The following CSMD1 variants were observed in gnomAD, a reference collection of about 807,000 sequenced individuals.
CSMD1 encodes the protein CUB and sushi domain-containing protein 1.
A neutral mutation model predicts 417.5 loss-of-function variants in CSMD1; 213 were observed. That is an observed-to-expected ratio of 0.51 (90% CI 0.46 to 0.57). The LOEUF (loss-of-function observed/expected upper bound fraction) is 0.57, where lower values mean the gene tolerates loss of function less well. CSMD1 is among the 20% of genes least tolerant of loss of function. The pLI, the probability that CSMD1 is intolerant of heterozygous loss-of-function variation, is 0.00. For synonymous variants in CSMD1, 2,862 were observed against 1,736.8 expected (o/e 1.65, Z -16.11); for missense variants, 6,923 against 4,529.7 (o/e 1.53, Z -15.17).
intron 5 of CSMD1, among the ~76,000 whole-genome samples, chr8:3,883,804 C>G (rs941682548): frequency 2.6e-5 from 4 of 151,836 alleles, no homozygotes; most frequent in Non-Finnish European, 5.9e-5. Flanking sequence ...TTAAACAATC[C>G]CATTAACAAC....
At chr8:4,589,416 A>C (rs1799876772) in intron 2 of CSMD1, among the ~76,000 whole-genome samples, 1 of 152,166 alleles carries the variant, frequency 6.6e-6, no homozygotes, top group Non-Finnish European at 1.5e-5. Context: ...TAAGGAATAG[A>C]CTATTTCTTT....
chr8:3,752,510 C>A (rs535432650), intron 6 of CSMD1, among the ~76,000 whole-genome samples: 2 of 151,474 alleles, frequency 1.3e-5, no homozygotes, highest in Non-Finnish European at 1.5e-5. Flanking sequence ...CAAAATTAGC[C>A]GGGTGTGGTG....
chr8:4,145,840 G>C (rs751735388), intron 3 of CSMD1, among the ~76,000 whole-genome samples: 39 of 151,318 alleles, frequency 2.6e-4, no homozygotes, highest in Admixed American at 6.6e-4. Flanking sequence ...CCAGGAAGCA[G>C]AGCCGTTCAC....
At chr8:3,359,380 G>A (rs1167542138) in intron 20 of CSMD1, 40 bp from the exon 21 acceptor site, 1 of 1,469,704 alleles carries the variant, frequency 6.8e-7, no homozygotes, top group South Asian at 1.2e-5. Flanking sequence ...TGAGGATTTG[G>A]GTAAATACAC....
chr8:4,242,183 TA>T (rs1461662140), intron 3 of CSMD1, among the ~76,000 whole-genome samples: 1 of 152,188 alleles, frequency 6.6e-6, no homozygotes, highest in East Asian at 1.9e-4. Context: ...AATGGTATAT[TA>T]AAAACTTTAA....
At chr8:3,318,047 C>A (rs570392783) in intron 23 of CSMD1, among the ~76,000 whole-genome samples, 1 of 152,174 alleles carries the variant, frequency 6.6e-6, no homozygotes. Context: ...GTGATCTGCC[C>A]ACCTTGGCCT....
At chr8:4,056,269 G>C (rs1798685564) in intron 3 of CSMD1, among the ~76,000 whole-genome samples, 1 of 151,598 alleles carries the variant, frequency 6.6e-6, no homozygotes, top group Non-Finnish European at 1.5e-5. Context: ...TTTTAGTAGA[G>C]ATGGAGTTTC....
chr8:3,266,940 A>T (rs1334162243), intron 26 of CSMD1, among the ~76,000 whole-genome samples: 1 of 152,212 alleles, frequency 6.6e-6, no homozygotes, highest in African/African-American at 2.4e-5. Flanking sequence ...CAGACAGCCA[A>T]CATAGACTAA....
intron 15 of CSMD1, among the ~76,000 whole-genome samples, chr8:3,402,267 TC>T (rs1480450007): frequency 6.6e-6 from 1 of 152,200 alleles, no homozygotes; most frequent in Non-Finnish European, 1.5e-5. Context: ...ATCTTTTTTT[TC>T]AATTCTTTTC....
chr8:4,102,156 T>C (rs958157652), intron 3 of CSMD1, among the ~76,000 whole-genome samples: 1 of 152,194 alleles, frequency 6.6e-6, no homozygotes, highest in Non-Finnish European at 1.5e-5. Context: ...ATCATGTAAA[T>C]GACTTACTGG....
At chr8:4,043,323 A>G (rs1797987677) in intron 3 of CSMD1, among the ~76,000 whole-genome samples, 1 of 152,276 alleles carries the variant, frequency 6.6e-6, no homozygotes, top group East Asian at 1.9e-4. Flanking sequence ...AAGAAGAGGA[A>G]AAAAGAAAAT....
chr8:3,096,682 G>C (rs1815328048), intron 47 of CSMD1, among the ~76,000 whole-genome samples, 167 bp downstream of exon 47: 1 of 152,152 alleles, frequency 6.6e-6, no homozygotes, highest in African/African-American at 2.4e-5. Flanking sequence ...CAGACTGCTT[G>C]ATCTCTTGAG....
chr8:3,225,986 A>G (rs1356949966), intron 27 of CSMD1, among the ~76,000 whole-genome samples: 1 of 152,204 alleles, frequency 6.6e-6, no homozygotes, highest in Non-Finnish European at 1.5e-5. Context: ...ACCTTTATCC[A>G]CTATGCTCAA....
At chr8:3,537,333 C>T (rs992648894) in intron 10 of CSMD1, among the ~76,000 whole-genome samples, 5 of 152,218 alleles carry the variant, frequency 3.3e-5, no homozygotes, top group Non-Finnish European at 4.4e-5. Flanking sequence ...ACTCATATTC[C>T]TATCACCTGT....
At chr8:3,412,113 TATATACAC>T (rs1203594232) in intron 12 of CSMD1, among the ~76,000 whole-genome samples, 1 of 125,544 alleles carries the variant, frequency 8.0e-6, no homozygotes, top group East Asian at 3.0e-4. Context: ...CATATATACA[TATATACAC>T]ACGTATATAT....
chr8:4,942,225 T>A (rs1044165226), intron 1 of CSMD1, among the ~76,000 whole-genome samples: 5 of 152,280 alleles, frequency 3.3e-5, no homozygotes, highest in South Asian at 2.1e-4. Context: ...TAAACCAGGC[T>A]TCACTCTTAT....
chr8:4,401,287 A>T (rs938861409), intron 3 of CSMD1, among the ~76,000 whole-genome samples: 1 of 152,136 alleles, frequency 6.6e-6, no homozygotes, highest in Admixed American at 6.5e-5. Flanking sequence ...TAATCAAGTC[A>T]AAGTGCTTTT....
rs1290493649 is a variant in CSMD1 at position 4,856,587 on chromosome 8, G to GA, written c.85+137744dup. 2.8e-5 allele frequency among the ~76,000 whole-genome samples: 4 copies of GA among 141,936 alleles called. No homozygotes were observed. In the East Asian group the frequency reaches 8.4e-4, roughly 30 times the overall value. The allele number at this position is 141,936 out of a possible 152,430, so 93.1% of individuals were successfully genotyped here. On this transcript the variant is annotated intron_variant, in intron 1 of 69. Transcript: ENST00000635120. ...TGGAGGAAGATCTACCAAGCCAATG[G>GA]AAAACAAAAAAAGGCAGGGGTTGCA...
chr8:3,449,224 G>A (rs1815526063), intron 12 of CSMD1, among the ~76,000 whole-genome samples: 1 of 152,194 alleles, frequency 6.6e-6, no homozygotes, highest in South Asian at 2.1e-4. Flanking sequence ...TAAACCTGAA[G>A]AATTGTAGAG....
Sources: allele counts gnomAD v4.1 joint callset (sites outside exome capture counted in the v4.1 genomes callset), GRCh38; gene constraint gnomAD v4.1.1; transcripts MANE v1.5; gene names NCBI Gene and HGNC (gene_info 2026-07-23, HGNC 2026-07-21).